SUGCT: variants seen among roughly 807,000 people sequenced by gnomAD.
SUGCT encodes the protein succinyl-CoA:glutarate CoA-transferase.
Under a neutral mutation model 55.0 loss-of-function variants are expected in SUGCT, and 41 were observed. The observed-to-expected ratio is 0.74, with a 90% CI of 0.58 to 0.97. The LOEUF is 0.97. SUGCT is among the 50% of genes least tolerant of loss of function. The pLI, the probability that SUGCT is intolerant of heterozygous loss-of-function variation, is 0.00. For synonymous variants in SUGCT, 187 were observed against 200.4 expected (o/e 0.93, Z 0.56); for missense variants, 568 against 547.8 (o/e 1.04, Z -0.37).
intron 12 of SUGCT, among the ~76,000 whole-genome samples, chr7:40,691,787 A>C (rs1220534778): frequency 6.6e-6 from 1 of 152,200 alleles, no homozygotes; most frequent in Non-Finnish European, 1.5e-5. Context: ...TAAAGTTTCA[A>C]CAACCGCCTT....
intron 9 of SUGCT, among the ~76,000 whole-genome samples, chr7:40,344,107 A>G (rs2151183495): frequency 6.6e-6 from 1 of 152,288 alleles, no homozygotes; most frequent in African/African-American, 2.4e-5. Context: ...CCATGGTGCC[A>G]TTTTATTCTA....
chr7:40,768,426 A>C (rs982549495), intron 13 of SUGCT, among the ~76,000 whole-genome samples: 3 of 152,032 alleles, frequency 2.0e-5, no homozygotes, highest in Non-Finnish European at 4.4e-5. Context: ...TGATGTTTCA[A>C]CTCGCCTTGG....
intron 1 of SUGCT, among the ~76,000 whole-genome samples, chr7:40,135,648 CCTTTTTT>C (rs1426227272): frequency 6.6e-6 from 1 of 152,106 alleles, no homozygotes; most frequent in Non-Finnish European, 1.5e-5. Context: ...TCTTTTTTTT[CCTTTTTT>C]CTTTTTTTCT....
intron 13 of SUGCT, among the ~76,000 whole-genome samples, chr7:40,802,660 A>C (rs750725841): frequency 1.3e-5 from 2 of 152,220 alleles, no homozygotes; most frequent in Non-Finnish European, 2.9e-5. Context: ...GGTTTACAGA[A>C]GCTGTTCACT....
intron 11 of SUGCT, among the ~76,000 whole-genome samples, chr7:40,490,108 A>G (rs1791600239): frequency 6.6e-6 from 1 of 152,214 alleles, no homozygotes; most frequent in Non-Finnish European, 1.5e-5. Flanking sequence ...TACAGCTGGT[A>G]CAGAAGCTGT....
chr7:40,179,289 ATTCT>A (rs1279925661), intron 1 of SUGCT, among the ~76,000 whole-genome samples: 2 of 151,708 alleles, frequency 1.3e-5, no homozygotes, highest in African/African-American at 2.4e-5. Flanking sequence ...TGATTGGGCA[ATTCT>A]TTCTTTCTTT....
intron 12 of SUGCT, among the ~76,000 whole-genome samples, chr7:40,746,668 C>A (rs1240391793): frequency 6.6e-6 from 1 of 152,152 alleles, no homozygotes; most frequent in African/African-American, 2.4e-5. Flanking sequence ...GCTCTTTAAA[C>A]TGCTTCCGTG....
At chr7:40,414,022 T>C (rs1404606487) in intron 9 of SUGCT, among the ~76,000 whole-genome samples, 1 of 152,178 alleles carries the variant, frequency 6.6e-6, no homozygotes, top group East Asian at 1.9e-4. Context: ...GTGGACAATA[T>C]ATTATTTCTC....
chr7:40,412,057 T>C (rs985804876), intron 9 of SUGCT, among the ~76,000 whole-genome samples: 7 of 152,212 alleles, frequency 4.6e-5, no homozygotes, highest in African/African-American at 1.7e-4. Context: ...CAAATGTTCT[T>C]TCTTCGGCTG....
chr7:40,773,473 G>T (rs1584419321), intron 13 of SUGCT, among the ~76,000 whole-genome samples: 1 of 152,172 alleles, frequency 6.6e-6, no homozygotes, highest in East Asian at 1.9e-4. Context: ...GCCTCTATTA[G>T]TCTGTCTTTC....
At chr7:40,481,944 A>G (rs1791076397) in intron 11 of SUGCT, among the ~76,000 whole-genome samples, 1 of 152,148 alleles carries the variant, frequency 6.6e-6, no homozygotes. Context: ...TCTTTTTGGC[A>G]ATCTTGGAGA....
At chr7:40,818,105 T>C (rs1379728118) in intron 13 of SUGCT, among the ~76,000 whole-genome samples, 1 of 152,228 alleles carries the variant, frequency 6.6e-6, no homozygotes, top group East Asian at 1.9e-4. Context: ...TCATAAAGAA[T>C]GGACTGCAGT....
At chr7:40,836,756 A>G (rs1239378258) in intron 13 of SUGCT, among the ~76,000 whole-genome samples, 2 of 152,172 alleles carry the variant, frequency 1.3e-5, no homozygotes, top group Non-Finnish European at 2.9e-5. Context: ...TTTCCTTGAG[A>G]TTCATCCAAG....
At chr7:40,229,279 G>T (rs1788574202) in intron 6 of SUGCT, among the ~76,000 whole-genome samples, 1 of 152,204 alleles carries the variant, frequency 6.6e-6, no homozygotes, top group Admixed American at 6.5e-5. Context: ...AGCAGTTTGG[G>T]AGGCCAAGGC....
intron 13 of SUGCT, among the ~76,000 whole-genome samples, chr7:40,770,314 T>C (rs1282327775): frequency 6.6e-6 from 1 of 152,126 alleles, no homozygotes; most frequent in Non-Finnish European, 1.5e-5. Context: ...TCTCCCATGA[T>C]AGTCTGGAGG....
intron 12 of SUGCT, among the ~76,000 whole-genome samples, chr7:40,611,964 T>C (rs1482225663): frequency 6.6e-6 from 1 of 151,980 alleles, no homozygotes; most frequent in East Asian, 1.9e-4. Flanking sequence ...TAATATTTTA[T>C]AAATTTATGT....
At chr7:40,579,037 A>G (rs1347248354) in intron 12 of SUGCT, among the ~76,000 whole-genome samples, 2 of 152,206 alleles carry the variant, frequency 1.3e-5, no homozygotes, top group Non-Finnish European at 2.9e-5. Flanking sequence ...CAGGGACAGT[A>G]CAATAATGAA....
intron 6 of SUGCT, among the ~76,000 whole-genome samples, chr7:40,231,590 A>G (rs1353625810): frequency 1.3e-5 from 2 of 152,088 alleles, no homozygotes; most frequent in African/African-American, 4.8e-5. Context: ...CAAAGGCCCC[A>G]CCTTGGGAAT....
intron 12 of SUGCT, among the ~76,000 whole-genome samples, chr7:40,740,063 TA>T (rs1459588907): frequency 6.6e-6 from 1 of 152,184 alleles, no homozygotes; most frequent in Non-Finnish European, 1.5e-5. Flanking sequence ...TCCACTTGTT[TA>T]GGTCTTGATT....
Sources: allele counts gnomAD v4.1 joint callset (sites outside exome capture counted in the v4.1 genomes callset), GRCh38; gene constraint gnomAD v4.1.1; transcripts MANE v1.5; gene names NCBI Gene and HGNC (gene_info 2026-07-23, HGNC 2026-07-21).